SASH1: variants seen among roughly 807,000 people sequenced by gnomAD.
SASH1 encodes the protein SAM and SH3 domain containing 1, also known as SAM and SH3 domain-containing protein 1.
SASH1 carries 44 observed loss-of-function variants against 125.2 expected under a neutral mutation model. That is an observed-to-expected ratio of 0.35 (90% CI 0.28 to 0.45). The LOEUF is 0.45. Ranked by LOEUF, SASH1 falls within the 20% of genes least tolerant of loss-of-function variation. The pLI, the probability that SASH1 is intolerant of heterozygous loss-of-function variation, is 1.00. For synonymous variants in SASH1, 639 were observed against 649.1 expected (o/e 0.98, Z 0.24); for missense variants, 1,426 against 1,614.5 (o/e 0.88, Z 2.00).
chr6:148,287,702 T>TCG lies in SASH1; in HGVS notation n.74+15325_74+15326insCG, dbSNP rs1779521035. On this transcript the variant is annotated intron_variant and non_coding_transcript_variant, in intron 1 of 3. Coordinates refer to the SASH1 transcript ENST00000367469. ...CAGTGCGTGCGTGTGTGTGGGGGGG[T>TCG]GGGGGGTGGTATTCCTCTGTTGTTT... 2.2e-5 allele frequency among the ~76,000 whole-genome samples: 3 copies of TCG among 139,426 alleles called. No individual in the cohort carries two copies. In the Admixed American group the frequency reaches 2.2e-4, roughly 10 times the overall value. 91.5% of individuals were successfully genotyped at this position (139,426 alleles called of 152,430 possible).
rs555438719 is a variant in SASH1, at chr6:148,355,447, A to G, written c.156+12224A>G. Among the ~76,000 whole-genome samples the G allele has an allele frequency of 5.9e-5, 9 of 152,338 alleles. No homozygotes were observed. In the South Asian group the frequency reaches 1.2e-3, roughly 21 times the overall value. On this transcript the variant is annotated intron_variant, in intron 1 of 19. Coordinates refer to ENST00000367467, the MANE Select transcript of SASH1 (RefSeq NM_015278.5). ...CATGATGAGCATTAAATAGGTGTCA[A>G]ATGATTCCTAAATGATATGTAGAAG...
the SASH1 span, among the ~76,000 whole-genome samples, chr6:148,235,274 TATC>T: frequency 1.3e-5 from 2 of 152,190 alleles, no homozygotes; most frequent in South Asian, 4.1e-4. Flanking sequence ...GACCTTATCT[TATC>T]ATGTCATCTT....
intron 6 of SASH1, among the ~76,000 whole-genome samples, chr6:148,472,777 C>G (rs912323748): frequency 2.0e-5 from 3 of 152,152 alleles, no homozygotes; most frequent in Non-Finnish European, 4.4e-5. Context: ...TCAGCCGTGC[C>G]TGAAATGGTT....
chr6:148,358,879 G>A (rs1782065396), intron 1 of SASH1, among the ~76,000 whole-genome samples: 1 of 151,622 alleles, frequency 6.6e-6, no homozygotes, highest in Non-Finnish European at 1.5e-5. Context: ...GGGACTACAA[G>A]CACCCATCAC....
rs1776762167 is a variant in SASH1, at chr6:148,446,102, T to TTTTTTTTTTTTTTTTTTTTC, written c.386+5714_386+5715insCTTTTTTTTTTTTTTTTTTT. ...AACATAGGGTTCTTTTTTTTTTTTTTTTTTTTTTTTTTTTTTTTTTTTTTG... is the reference window on the plus strand; with the variant it reads ...AACATAGGGTTCTTTTTTTTTTTTTTTTTTTTTTTTTTTTTTTTTCTTTTTTTTTTTTTTTTTTTTTTTTG... On this transcript the variant is annotated intron_variant, in intron 4 of 19. Transcript: ENST00000367467. Among the ~76,000 whole-genome samples the TTTTTTTTTTTTTTTTTTTTC allele has an allele frequency of 4.2e-4, 5 of 11,966 alleles. 1 individual carries two copies. The highest frequency in any genetic ancestry group is 5.7e-3 in the South Asian group (2 of 352). 7.9% of individuals were successfully genotyped at this position (11,966 alleles called of 152,430 possible).
intron 1 of SASH1, among the ~76,000 whole-genome samples, chr6:148,363,595 TTTCAC>T (rs1782336242): frequency 6.6e-6 from 1 of 151,844 alleles, no homozygotes; most frequent in Non-Finnish European, 1.5e-5. Flanking sequence ...AGGGACGGGG[TTTCAC>T]CATCTTGGCC....
At chr6:148,328,042 C>T (rs1318765177) in intron 1 of SASH1, among the ~76,000 whole-genome samples, 2 of 151,818 alleles carry the variant, frequency 1.3e-5, no homozygotes, top group Non-Finnish European at 2.9e-5. Flanking sequence ...GGCAGTTTTT[C>T]GTTTAAGGGA....
intron 2 of SASH1, among the ~76,000 whole-genome samples, chr6:148,424,577 C>T (rs1453092653): frequency 6.6e-6 from 1 of 152,168 alleles, no homozygotes; most frequent in Admixed American, 6.5e-5. Flanking sequence ...GCAATCATAA[C>T]TCACTGTAAC....
At chr6:148,447,856 C>T (rs908310457) in intron 4 of SASH1, among the ~76,000 whole-genome samples, 1 of 152,134 alleles carries the variant, frequency 6.6e-6, no homozygotes, top group Non-Finnish European at 1.5e-5. Context: ...GTTTCTCAGA[C>T]AGGCCCTATT....
chr6:148,237,916 T>A, the SASH1 span, among the ~76,000 whole-genome samples: 38 of 152,164 alleles, frequency 2.5e-4, 1 homozygote, highest in Non-Finnish European at 7.3e-5. Context: ...TGCCATGTTT[T>A]CCAATGCACA....
chr6:148,527,987 T>TGG (rs1479589655), intron 12 of SASH1, among the ~76,000 whole-genome samples: 3 of 79,862 alleles, frequency 3.8e-5, no homozygotes, highest in African/African-American at 2.0e-4. Flanking sequence ...CTTTTTTTTT[T>TGG]TGGGGGGGGG....
chr6:148,343,278 T>A, intron 1 of SASH1, 55 bp downstream of exon 1: 1 of 1,505,626 alleles, frequency 6.6e-7, no homozygotes, highest in Non-Finnish European at 9.0e-7. Flanking sequence ...GCAGCCCCTC[T>A]GAAACCGGGG....
chr6:148,489,406 C>T (rs548394747), intron 8 of SASH1, among the ~76,000 whole-genome samples: 18 of 152,208 alleles, frequency 1.2e-4, no homozygotes, highest in Non-Finnish European at 2.4e-4. Flanking sequence ...AGTATGACAC[C>T]TCCGATTTTG....
intron 2 of SASH1, among the ~76,000 whole-genome samples, chr6:148,409,214 A>G (rs1303478287): frequency 6.6e-6 from 1 of 152,166 alleles, no homozygotes; most frequent in Non-Finnish European, 1.5e-5. Flanking sequence ...TTTAAGTTGC[A>G]TCTCTGTGTC....
At chr6:148,256,634 T>G in the SASH1 span, among the ~76,000 whole-genome samples, 1 of 152,178 alleles carries the variant, frequency 6.6e-6, no homozygotes, top group African/African-American at 2.4e-5. Context: ...ATTATTTTAG[T>G]GACAAAATTT....
intron 8 of SASH1, among the ~76,000 whole-genome samples, chr6:148,503,617 C>T (rs200173747): frequency 6.6e-5 from 10 of 152,114 alleles, no homozygotes; most frequent in East Asian, 1.9e-4. Context: ...TTGAGGCAGC[C>T]GTGACCCAGA....
chr6:148,388,020 A>C (rs1291393512), intron 1 of SASH1, among the ~76,000 whole-genome samples: 2 of 141,250 alleles, frequency 1.4e-5, no homozygotes, highest in Non-Finnish European at 3.0e-5. Flanking sequence ...GGTTCAAGTG[A>C]TTCTCCTGCC....
At chr6:148,303,854 T>C (rs1780045482) in intron 1 of SASH1, among the ~76,000 whole-genome samples, 1 of 151,520 alleles carries the variant, frequency 6.6e-6, no homozygotes, top group Admixed American at 6.6e-5. Flanking sequence ...AAATAGTCAG[T>C]GGATCAGAGA....
rs775323425 is a variant in SASH1 at position 148,390,131 on chromosome 6, C to G, written c.157-3C>G. On this transcript the variant is annotated splice_region_variant and splice_polypyrimidine_tract_variant and intron_variant, in intron 1 of 19. Transcript: ENST00000367467. The stretch of plus-strand genomic sequence containing the variant: ...GACCGCCTTTGTTTGTCCACCCCTT[C>G]AGGACGGTTCACTGGGAAACATCGA... 9.9e-6 allele frequency: 16 copies of G among 1,612,778 alleles called. No homozygotes were observed. Among genetic ancestry groups the G allele is most frequent in the Non-Finnish European group, 1.4e-5 (16 of 1,179,320 alleles).
Sources: gnomAD v4.1 joint callset for allele counts (sites outside exome capture counted in the v4.1 genomes callset) on GRCh38, gnomAD v4.1.1 for gene constraint, MANE v1.5 for transcripts, NCBI Gene and HGNC (gene_info 2026-07-23, HGNC 2026-07-21) for gene names.